Variants in SLC41A2 observed in about 807,000 individuals in gnomAD.
SLC41A2 encodes the protein solute carrier family 41 member 2.
In SLC41A2, 32 loss-of-function variants were observed where a neutral mutation model predicts 58.3. The ratio of observed to expected loss-of-function variants is 0.55; its 90% CI spans 0.41 to 0.74. SLC41A2 has a LOEUF of 0.74. SLC41A2 is among the 30% of genes least tolerant of loss of function. The pLI is 0.00. For missense variants in SLC41A2, 514 were observed against 680.6 expected (o/e 0.76, Z 2.72); for synonymous variants, 190 against 235.0 (o/e 0.81, Z 1.75).
chr12:104,938,849 C>T (rs960840870), intron 1 of SLC41A2, among the ~76,000 whole-genome samples: 8 of 152,202 alleles, frequency 5.3e-5, no homozygotes, highest in African/African-American at 1.9e-4. Flanking sequence ...TTAGGAGAGT[C>T]TCTCTGATAT....
At chr12:104,916,058 A>G (rs1286315920) in intron 2 of SLC41A2, among the ~76,000 whole-genome samples, 1 of 152,120 alleles carries the variant, frequency 6.6e-6, no homozygotes, top group Non-Finnish European at 1.5e-5. Context: ...TTCTGTTTAT[A>G]TGCTGGATTA....
intron 10 of SLC41A2, among the ~76,000 whole-genome samples, chr12:104,843,980 C>T (rs1009560513): frequency 2.0e-5 from 3 of 152,126 alleles, no homozygotes; most frequent in Non-Finnish European, 2.9e-5. Flanking sequence ...CCTTCCTACA[C>T]GCCAAACTCC....
At chr12:104,827,036 A>C (rs990815096) in intron 10 of SLC41A2, among the ~76,000 whole-genome samples, 39 of 152,224 alleles carry the variant, frequency 2.6e-4, no homozygotes, top group African/African-American at 9.2e-4. Context: ...AATAGAGGGC[A>C]TATGTAGAAC....
At chr12:104,824,735 G>C (rs957653854) in intron 10 of SLC41A2, among the ~76,000 whole-genome samples, 2 of 152,148 alleles carry the variant, frequency 1.3e-5, no homozygotes, top group African/African-American at 4.8e-5. Flanking sequence ...TGTGGGGTCA[G>C]AGCCCCACAG....
intron 8 of SLC41A2, among the ~76,000 whole-genome samples, chr12:104,855,769 T>C (rs1038059221): frequency 6.6e-6 from 1 of 152,112 alleles, no homozygotes; most frequent in African/African-American, 2.4e-5. Flanking sequence ...CAGATAAAAA[T>C]AGAGACGATA....
chr12:104,807,297 T>C (rs2136187571), intron 10 of SLC41A2, among the ~76,000 whole-genome samples: 1 of 152,348 alleles, frequency 6.6e-6, no homozygotes, highest in South Asian at 2.1e-4. Context: ...TAGCCAGTTT[T>C]CCCAGCACCA....
chr12:104,880,417 G>A (rs1007414964), intron 6 of SLC41A2, among the ~76,000 whole-genome samples: 1 of 152,158 alleles, frequency 6.6e-6, no homozygotes, highest in Non-Finnish European at 1.5e-5. Flanking sequence ...AATGTTTCCA[G>A]TTTTTGCCCA....
chr12:104,954,492 G>A (rs1158078816), intron 1 of SLC41A2, among the ~76,000 whole-genome samples: 4 of 152,058 alleles, frequency 2.6e-5, no homozygotes, highest in Admixed American at 6.6e-5. Context: ...CCCAATAAGC[G>A]CCACTAAAAA....
chr12:104,847,603 CAAAAAAAAAA>C (rs61636915), intron 8 of SLC41A2, among the ~76,000 whole-genome samples: 2 of 86,400 alleles, frequency 2.3e-5, no homozygotes, highest in African/African-American at 4.7e-5. Context: ...GACTCTGTCT[CAAAAAAAAAA>C]AAAAAAAAAG....
At chr12:104,949,492 A>C (rs1403379249) in intron 1 of SLC41A2, among the ~76,000 whole-genome samples, 9 of 152,368 alleles carry the variant, frequency 5.9e-5, no homozygotes, top group East Asian at 3.9e-4. Context: ...TTTTGCTACC[A>C]AATTCTGCAA....
intron 10 of SLC41A2, among the ~76,000 whole-genome samples, chr12:104,822,630 C>T (rs565483907): frequency 6.6e-6 from 1 of 152,136 alleles, no homozygotes; most frequent in East Asian, 1.9e-4. Flanking sequence ...AAAATAGCCC[C>T]ATGAGACAAT....
intron 3 of SLC41A2, among the ~76,000 whole-genome samples, chr12:104,900,612 A>G (rs951990763): frequency 1.4e-4 from 21 of 152,174 alleles, no homozygotes; most frequent in Non-Finnish European, 2.8e-4. Flanking sequence ...AAGTAGTTCT[A>G]CTCCACAAAG....
rs1340189792 is a variant in SLC41A2, at chr12:104,802,775, A to G, written c.*2377T>C. 2 of 152,168 alleles carry G rather than the reference A, an allele frequency of 1.3e-5. No homozygotes were observed. Among genetic ancestry groups the G allele is most frequent in the African/African-American group, 4.8e-5 (2 of 41,452 alleles). The allele number at this position is 152,168 out of a possible 1,614,324, so 9.4% of individuals were successfully genotyped here. On this transcript the variant is annotated 3_prime_UTR_variant, in exon 11 of 11. Transcript: ENST00000258538. Reference sequence around the variant, plus strand: ...GGTTTCTTTGTCTGAAATCCATAAAATGTAGTAATACTCTATTGTACTTTT... The same window carrying G: ...GGTTTCTTTGTCTGAAATCCATAAAGTGTAGTAATACTCTATTGTACTTTT...
Position 104,873,810 on chromosome 12 carries a change from G to A in SLC41A2, c.1028-7231C>T, listed in dbSNP as rs80036229. The stretch of plus-strand genomic sequence containing the variant: ...TGAGTACCTTTTCATATACTTGTTC[G>A]TCATTTTTATGTGCTCTTGGGGGAA... On this transcript the variant is annotated intron_variant, in intron 6 of 10. Coordinates refer to ENST00000258538, the MANE Select transcript of SLC41A2 (RefSeq NM_001352171.3). Among the ~76,000 whole-genome samples the A allele has an allele frequency of 8.7e-3, 1,319 of 151,950 alleles. 37 individuals are homozygous for A. In the East Asian group the frequency reaches 0.12, roughly 14 times the overall value.
chr12:104,876,779 A>T (rs552383634), intron 6 of SLC41A2, among the ~76,000 whole-genome samples: 2 of 152,218 alleles, frequency 1.3e-5, no homozygotes, highest in Non-Finnish European at 2.9e-5. Context: ...TGTTTTGTAC[A>T]TATCTGCTAG....
chr12:104,916,851 G>C (rs922926777), intron 2 of SLC41A2, among the ~76,000 whole-genome samples: 8 of 151,974 alleles, frequency 5.3e-5, no homozygotes, highest in South Asian at 2.1e-4. Flanking sequence ...TTAAATGTTA[G>C]ACCTAAAACC....
At chr12:104,917,247 G>A (rs1271225803) in intron 2 of SLC41A2, among the ~76,000 whole-genome samples, 2 of 150,928 alleles carry the variant, frequency 1.3e-5, no homozygotes. Flanking sequence ...CTGGCCATCA[G>A]AGAAATGCAA....
At chr12:104,864,575 C>T (rs2043344480) in intron 7 of SLC41A2, among the ~76,000 whole-genome samples, 1 of 152,006 alleles carries the variant, frequency 6.6e-6, no homozygotes, top group South Asian at 2.1e-4. Flanking sequence ...CATCAGGTAG[C>T]TCATGTTTTT....
intron 3 of SLC41A2, among the ~76,000 whole-genome samples, chr12:104,901,238 T>A (rs1450687522): frequency 6.6e-6 from 1 of 152,106 alleles, no homozygotes; most frequent in East Asian, 1.9e-4. Context: ...GAACATAATT[T>A]TTGACTCCTT....
Sources: gnomAD v4.1 joint callset for allele counts (sites outside exome capture counted in the v4.1 genomes callset) on GRCh38, gnomAD v4.1.1 for gene constraint, MANE v1.5 for transcripts, NCBI Gene and HGNC (gene_info 2026-07-23, HGNC 2026-07-21) for gene names.